The following ELMOD1 variants were observed in gnomAD, a reference collection of about 807,000 sequenced individuals.
ELMOD1 encodes the protein ELMO domain-containing protein 1.
A neutral mutation model predicts 46.7 loss-of-function variants in ELMOD1; 21 were observed. The ratio of observed to expected loss-of-function variants is 0.45; its 90% CI spans 0.32 to 0.65. The LOEUF (loss-of-function observed/expected upper bound fraction) is 0.65, where lower values mean the gene tolerates loss of function less well. ELMOD1 is among the 30% of genes least tolerant of loss of function. The pLI, the probability that ELMOD1 is intolerant of heterozygous loss-of-function variation, is 0.04. For missense variants in ELMOD1, 348 were observed against 407.8 expected (o/e 0.85, Z 1.26); for synonymous variants, 122 against 138.2 (o/e 0.88, Z 0.82).
chr11:107,644,196 T>G (rs982156543), intron 6 of ELMOD1, among the ~76,000 whole-genome samples: 42 of 151,786 alleles, frequency 2.8e-4, no homozygotes, highest in African/African-American at 9.9e-4. Flanking sequence ...CTTGGGAGGC[T>G]GAGGCACAAG....
At chr11:107,656,438 A>G (rs898286618) in intron 11 of ELMOD1, among the ~76,000 whole-genome samples, 2 of 147,974 alleles carry the variant, frequency 1.4e-5, no homozygotes, top group South Asian at 2.1e-4. Context: ...ATAAAAATAC[A>G]TGATATATAT....
At chr11:107,599,787 C>T (rs987666788) in intron 1 of ELMOD1, among the ~76,000 whole-genome samples, 1 of 142,742 alleles carries the variant, frequency 7.0e-6, no homozygotes, top group Non-Finnish European at 1.5e-5. Context: ...AAACTGTATC[C>T]TAACAGCATA....
chr11:107,618,486 A>G (rs1865897140), intron 2 of ELMOD1, among the ~76,000 whole-genome samples: 1 of 152,258 alleles, frequency 6.6e-6, no homozygotes, highest in South Asian at 2.1e-4. Context: ...GTCTCTGCAC[A>G]GTGGTACACC....
At chr11:107,661,893 A>G (rs971403522) in intron 11 of ELMOD1, among the ~76,000 whole-genome samples, 8 of 152,206 alleles carry the variant, frequency 5.3e-5, no homozygotes, top group Non-Finnish European at 8.8e-5. Context: ...GGTTGGTTGA[A>G]TAAGATACTG....
chr11:107,637,215 G>A (rs981964096), intron 6 of ELMOD1, among the ~76,000 whole-genome samples: 1 of 152,216 alleles, frequency 6.6e-6, no homozygotes, highest in African/African-American at 2.4e-5. Context: ...ATAAGGAAAT[G>A]ATGGCTATCT....
intron 10 of ELMOD1, among the ~76,000 whole-genome samples, chr11:107,655,532 T>C (rs915760433): frequency 1.4e-5 from 2 of 147,140 alleles, no homozygotes; most frequent in African/African-American, 4.9e-5. Context: ...TCTGATAATT[T>C]AATAGTAAGT....
At chr11:107,596,430 T>G (rs1317152294) in intron 1 of ELMOD1, among the ~76,000 whole-genome samples, 1 of 152,106 alleles carries the variant, frequency 6.6e-6, no homozygotes, top group African/African-American at 2.4e-5. Context: ...CTTTTTCCTT[T>G]AAAAGAATAG....
intron 1 of ELMOD1, among the ~76,000 whole-genome samples, chr11:107,605,183 TTTTC>T (rs1259100692): frequency 1.3e-5 from 2 of 151,158 alleles, no homozygotes; most frequent in Non-Finnish European, 2.9e-5. Context: ...GAGAGATGAA[TTTTC>T]TTTCTTTTTT....
chr11:107,611,253 CT>C (rs1865775775), intron 1 of ELMOD1, among the ~76,000 whole-genome samples: 1 of 152,142 alleles, frequency 6.6e-6, no homozygotes, highest in African/African-American at 2.4e-5. Context: ...AACTAAAGAA[CT>C]TCTGCATGGC....
chr11:107,629,284 T>C (rs917896539), intron 2 of ELMOD1, among the ~76,000 whole-genome samples: 2 of 152,164 alleles, frequency 1.3e-5, no homozygotes, highest in African/African-American at 4.8e-5. Context: ...ACTAGTTAAC[T>C]ACTCCAGTAT....
intron 2 of ELMOD1, among the ~76,000 whole-genome samples, chr11:107,628,562 T>G (rs929210509): frequency 4.1e-5 from 6 of 145,284 alleles, no homozygotes; most frequent in African/African-American, 1.3e-4. Flanking sequence ...TTTTGGGGTG[T>G]TTTTTTTTTG....
intron 1 of ELMOD1, among the ~76,000 whole-genome samples, chr11:107,602,074 C>T (rs1226822667): frequency 6.6e-6 from 1 of 152,166 alleles, no homozygotes; most frequent in Non-Finnish European, 1.5e-5. Context: ...CATGGAAGGT[C>T]TTGTATGTCT....
intron 11 of ELMOD1, among the ~76,000 whole-genome samples, chr11:107,657,537 A>G (rs899283593): frequency 6.6e-6 from 1 of 152,224 alleles, no homozygotes; most frequent in African/African-American, 2.4e-5. Context: ...CAATCAATCA[A>G]TCAGTCAATC....
chr11:107,661,659 C>T (rs1866742117), intron 11 of ELMOD1, among the ~76,000 whole-genome samples: 1 of 152,190 alleles, frequency 6.6e-6, no homozygotes, highest in South Asian at 2.1e-4. Flanking sequence ...ATTTTAGAAC[C>T]ATAAAAATTA....
At chr11:107,655,217 G>A (rs2135713654) in intron 10 of ELMOD1, among the ~76,000 whole-genome samples, 1 of 152,176 alleles carries the variant, frequency 6.6e-6, no homozygotes, top group East Asian at 1.9e-4. Flanking sequence ...TGCTGAAATC[G>A]TCTTTAAGAA....
intron 6 of ELMOD1, chr11:107,643,721 T>C (rs1866367274): frequency 2.0e-6 from 1 of 504,536 alleles, no homozygotes; most frequent in African/African-American, 2.0e-5. Context: ...TGGCTCAAGA[T>C]TTTTGTCAGT....
intron 7 of ELMOD1, 25 bp from the exon 8 acceptor site, chr11:107,650,310 C>T (rs574941339): frequency 1.1e-5 from 17 of 1,535,120 alleles, no homozygotes; most frequent in Middle Eastern, 3.4e-4. Flanking sequence ...TATAGAGTTA[C>T]GGTTTTCTTT....
In ELMOD1 at chr11:107,665,269, C is replaced by T; in HGVS notation, c.*72C>T. 1 of 1,473,008 alleles carries T rather than the reference C, an allele frequency of 6.8e-7. No individual in the cohort carries two copies. The allele number at this position is 1,473,008 out of a possible 1,614,324, so 91.2% of individuals were successfully genotyped here. A position where few individuals can be genotyped will look rare whatever the true frequency, so the allele number is the denominator to read the frequency against. ...TCTTGTTAGATCTCTGCTTAGGTCG[C>T]AGCTCACGCATTGAATGCACACAGT... On this transcript the variant is annotated 3_prime_UTR_variant, in exon 12 of 12. Coordinates refer to ENST00000265840, the MANE Select transcript of ELMOD1 (RefSeq NM_018712.4).
chr11:107,653,938 C>T (rs917647872), intron 9 of ELMOD1: 3 of 504,048 alleles, frequency 6.0e-6, no homozygotes, highest in South Asian at 3.2e-5. Context: ...AATGTTTGGC[C>T]TTTAGGGCTG....
Sources: gnomAD v4.1 joint callset for allele counts (sites outside exome capture counted in the v4.1 genomes callset) on GRCh38, gnomAD v4.1.1 for gene constraint, MANE v1.5 for transcripts, NCBI Gene and HGNC (gene_info 2026-07-23, HGNC 2026-07-21) for gene names.